Variants in COP1 observed in about 807,000 individuals in gnomAD.
The protein encoded by COP1 is COP1 E3 ubiquitin ligase.
Under a neutral mutation model 101.3 loss-of-function variants are expected in COP1, and 24 were observed. That is an observed-to-expected ratio of 0.24 (90% CI 0.17 to 0.33). The LOEUF is 0.33. COP1 is among the 10% of genes least tolerant of loss of function. The pLI is 1.00. For missense variants in COP1, 663 were observed against 906.2 expected, an observed-to-expected ratio of 0.73 and a Z score of 3.45; for synonymous variants, 347 against 341.9, an observed-to-expected ratio of 1.01 and a Z score of -0.17.
intron 15 of COP1, among the ~76,000 whole-genome samples, chr1:176,020,327 A>C (rs940221146): frequency 3.3e-5 from 5 of 151,806 alleles, no homozygotes; most frequent in South Asian, 2.1e-4. Context: ...AAAAAAAAAA[A>C]AAAACCTTCA....
intron 1 of COP1, among the ~76,000 whole-genome samples, chr1:176,200,284 T>C (rs577789531): frequency 6.6e-6 from 1 of 152,350 alleles, no homozygotes; most frequent in East Asian, 1.9e-4. Context: ...GTACAACACA[T>C]TCCATCTTCA....
At chr1:176,069,613 C>T (rs2502823) in intron 11 of COP1, among the ~76,000 whole-genome samples, 42,365 of 152,162 alleles carry the variant, frequency 0.28, 6,741 homozygotes, top group East Asian at 0.49. Context: ...GAACACTTCT[C>T]CCTGACCACC....
chr1:176,063,284 T>A (rs1242635076), intron 11 of COP1, among the ~76,000 whole-genome samples: 1 of 151,728 alleles, frequency 6.6e-6, no homozygotes, highest in Non-Finnish European at 1.5e-5. Context: ...ATGGTCTCGA[T>A]CTCCTGACCT....
intron 6 of COP1, among the ~76,000 whole-genome samples, chr1:176,143,338 G>T (rs1315315982): frequency 3.9e-5 from 6 of 152,140 alleles, no homozygotes; most frequent in Admixed American, 3.9e-4. Context: ...TAATAAGAAT[G>T]TAACTGTTCA....
chr1:176,069,592 G>C (rs1251881755), intron 11 of COP1, among the ~76,000 whole-genome samples: 2 of 152,196 alleles, frequency 1.3e-5, no homozygotes, highest in East Asian at 1.9e-4. Context: ...AAGTATTCTT[G>C]CCAAAGATGT....
At chr1:176,188,082 A>G (rs1251257551) in intron 1 of COP1, among the ~76,000 whole-genome samples, 1 of 152,062 alleles carries the variant, frequency 6.6e-6, no homozygotes, top group Non-Finnish European at 1.5e-5. Flanking sequence ...CTCACCAGAC[A>G]TAAAAACCTC....
intron 6 of COP1, among the ~76,000 whole-genome samples, chr1:176,146,811 T>C (rs987266538): frequency 7.2e-5 from 11 of 152,214 alleles, no homozygotes; most frequent in Admixed American, 2.6e-4. Flanking sequence ...AGATAACTAA[T>C]GCAAATGCCT....
At chr1:176,108,201 C>G (rs1222574676) in intron 9 of COP1, among the ~76,000 whole-genome samples, 1 of 152,048 alleles carries the variant, frequency 6.6e-6, no homozygotes, top group Non-Finnish European at 1.5e-5. Context: ...TAGGCAATTA[C>G]AAAAGTTCAG....
At chr1:176,057,538 TGTTGGCCGGGCTG>T (rs1262986197) in intron 11 of COP1, among the ~76,000 whole-genome samples, 7 of 152,224 alleles carry the variant, frequency 4.6e-5, no homozygotes, top group African/African-American at 1.4e-4. Context: ...GGTTTCGCTG[TGTTGGCCGGGCTG>T]GTCTCCAGCT....
At chr1:176,081,084 T>C in intron 11 of COP1, 68 bp downstream of exon 11, 3 of 1,332,120 alleles carry the variant, frequency 2.3e-6, no homozygotes, top group Non-Finnish European at 2.1e-6. Flanking sequence ...ATGGTATAAG[T>C]GCTTCTCAAA....
intron 14 of COP1, among the ~76,000 whole-genome samples, chr1:176,028,880 C>G (rs530099651): frequency 1.3e-5 from 2 of 151,398 alleles, no homozygotes; most frequent in African/African-American, 2.4e-5. Flanking sequence ...CACTCAGCCT[C>G]CCGGGTAGCT....
intron 8 of COP1, among the ~76,000 whole-genome samples, chr1:176,119,409 T>C (rs138360905): frequency 6.6e-6 from 1 of 152,322 alleles, no homozygotes; most frequent in East Asian, 1.9e-4. Context: ...TCTCAGTGTA[T>C]ACAGTGATAT....
chr1:176,141,666 A>T (rs974524863), intron 6 of COP1, among the ~76,000 whole-genome samples: 1 of 151,954 alleles, frequency 6.6e-6, no homozygotes, highest in Non-Finnish European at 1.5e-5. Flanking sequence ...CATACTTCAT[A>T]TCTAGTTCCT....
intron 3 of COP1, among the ~76,000 whole-genome samples, chr1:176,175,155 C>G (rs1368276778): frequency 6.6e-6 from 1 of 152,108 alleles, no homozygotes; most frequent in Non-Finnish European, 1.5e-5. Context: ...GCATCACACC[C>G]AAGTTTTTTT....
intron 16 of COP1, chr1:175,988,896 T>C (rs140759939): frequency 2.9e-3 from 464 of 157,606 alleles, no homozygotes; most frequent in Middle Eastern, 9.9e-3. Context: ...TAAATGACCA[T>C]GTCAGTGTAA....
chr1:176,133,715 CAA>C (rs1483565649), intron 8 of COP1: 5 of 351,846 alleles, frequency 1.4e-5, no homozygotes, highest in Non-Finnish European at 2.2e-5. Context: ...GACTGAGTAA[CAA>C]AGATCTGGAA....
intron 9 of COP1, among the ~76,000 whole-genome samples, chr1:176,100,709 C>T (rs1683257157): frequency 6.6e-6 from 1 of 152,152 alleles, no homozygotes; most frequent in Non-Finnish European, 1.5e-5. Flanking sequence ...TAACCAAAGA[C>T]AAGAACTATG....
At chr1:176,206,546 A>C (rs1700874539) in intron 1 of COP1, 26 bp downstream of exon 1, 1 of 1,591,880 alleles carries the variant, frequency 6.3e-7, no homozygotes, top group Non-Finnish European at 8.5e-7. Flanking sequence ...ATTTAGGGAC[A>C]AGGAGGGAGT....
At chr1:176,147,526 G>T (rs1205569485) in intron 6 of COP1, among the ~76,000 whole-genome samples, 2 of 152,000 alleles carry the variant, frequency 1.3e-5, no homozygotes, top group Middle Eastern at 3.2e-3. Context: ...ATATCCAGAA[G>T]TATTTGGAAC....
Sources: gnomAD v4.1 joint callset for allele counts (sites outside exome capture counted in the v4.1 genomes callset) on GRCh38, gnomAD v4.1.1 for gene constraint, MANE v1.5 for transcripts, NCBI Gene and HGNC (gene_info 2026-07-23, HGNC 2026-07-21) for gene names.